Variants in MAST2 observed in about 807,000 individuals in gnomAD.
MAST2 encodes microtubule-associated serine/threonine-protein kinase 2.
In MAST2, 70 loss-of-function variants were observed where a neutral mutation model predicts 147.4. The ratio of observed to expected loss-of-function variants is 0.47; its 90% CI spans 0.39 to 0.58. The LOEUF (loss-of-function observed/expected upper bound fraction) is 0.58. Among genes scored for constraint, MAST2 ranks in the 20% least tolerant of loss-of-function variants. The pLI, the probability that MAST2 is intolerant of heterozygous loss-of-function variation, is 0.00. For missense variants in MAST2, 2,080 were observed against 2,302.3 expected (o/e 0.90, Z 1.98); for synonymous variants, 869 against 896.8 (o/e 0.97, Z 0.55).
chr1:46,023,236 C>G lies in MAST2; in HGVS notation c.1489C>G (p.His497Asp), dbSNP rs758535348. 27 of 1,613,784 alleles carry G rather than the reference C, an allele frequency of 1.7e-5. No homozygotes were observed. The highest frequency in any genetic ancestry group is 2.1e-5 in the Non-Finnish European group (25 of 1,179,762). The change falls in exon 14 of 29, where the codon CAT (histidine) becomes GAT (aspartate). Residue 497 changes from histidine (H) to aspartate (D), a missense_variant. This residue lies in a region of MAST2 where 569 missense variants were observed against 642.5 expected (regional missense o/e 0.89). Transcript: ENST00000361297. This position sits in a 1 kb window ranked among gnomAD's most constrained non-coding sequence, Gnocchi z 4.9. ...TGCCTTTTCCCTTGTCTTCCAGGGCCATGGGGCATCTCTGCCATCTAAAAA... is the reference window on the plus strand; with the variant it reads ...TGCCTTTTCCCTTGTCTTCCAGGGCGATGGGGCATCTCTGCCATCTAAAAA... ...TPETDDSIEG[H>D]GASLPSKKTP... is the part of the protein sequence containing the mutation.
chr1:45,834,255 CA>C (rs1265042940), intron 3 of MAST2, among the ~76,000 whole-genome samples: 3 of 151,944 alleles, frequency 2.0e-5, no homozygotes, highest in African/African-American at 7.3e-5. Context: ...TAAATAGTAA[CA>C]AAAGGGGGCA....
At chr1:45,971,211 A>G (rs935913616) in intron 5 of MAST2, among the ~76,000 whole-genome samples, 1 of 152,174 alleles carries the variant, frequency 6.6e-6, no homozygotes, top group Non-Finnish European at 1.5e-5. Flanking sequence ...ACTGGATGGC[A>G]GAGATGTTTT....
chr1:46,035,866 C>A lies in MAST2; in HGVS notation c.5197C>A (p.Gln1733Lys), dbSNP rs762714620. The change falls in exon 29 of 29, where the codon CAA becomes AAA. Residue 1733 changes from glutamine to lysine, a missense_variant. Coordinates refer to ENST00000361297, the MANE Select transcript of MAST2 (RefSeq NM_015112.3). The surrounding 1 kb of genome is among the most constrained non-coding windows in gnomAD (Gnocchi z 5.5). ...CTGGCTATGGGAGTCTGAGTGTGCA[C>A]AAGCAGTGAAAGAGGATCCAGCCCT... ...QGWLWESECA[Q>K]AVKEDPALSI... 1 of 1,614,086 alleles carries A rather than the reference C, an allele frequency of 6.2e-7. No homozygotes were observed. The highest frequency in any genetic ancestry group is 8.5e-7 in the Non-Finnish European group (1 of 1,180,024).
At chr1:46,029,718 T>C (rs868539309) in intron 19 of MAST2, 113 bp from the exon 20 acceptor site, 12 of 1,434,518 alleles carry the variant, frequency 8.4e-6, no homozygotes, top group Middle Eastern at 2.2e-4. Flanking sequence ...GGGAAGATGC[T>C]TGAGCTGATC....
At chr1:45,876,826 G>A (rs541875082) in intron 3 of MAST2, among the ~76,000 whole-genome samples, 1 of 152,178 alleles carries the variant, frequency 6.6e-6, no homozygotes. Context: ...TTCCACGGAT[G>A]CGCTTCCGTG....
At chr1:45,933,905 G>T (rs200056787) in intron 4 of MAST2, among the ~76,000 whole-genome samples, 1 of 147,388 alleles carries the variant, frequency 6.8e-6, no homozygotes. Context: ...AAAATTTTAA[G>T]TTTTTTTTTT....
At chr1:45,890,242 G>T (rs570881726) in intron 4 of MAST2, among the ~76,000 whole-genome samples, 2 of 152,292 alleles carry the variant, frequency 1.3e-5, no homozygotes, top group East Asian at 3.9e-4. Context: ...TGTAAATAAA[G>T]AACTATTTGT....
intron 5 of MAST2, among the ~76,000 whole-genome samples, chr1:45,977,562 G>A (rs1455055018): frequency 6.6e-6 from 1 of 152,090 alleles, no homozygotes; most frequent in Non-Finnish European, 1.5e-5. Context: ...CACTTTGGGA[G>A]GCCGAGGCGG....
intron 5 of MAST2, among the ~76,000 whole-genome samples, chr1:45,977,673 G>A (rs962489288): frequency 3.3e-5 from 5 of 151,800 alleles, no homozygotes; most frequent in Admixed American, 3.3e-4. Context: ...GGTGGCATGT[G>A]TCTGTAATCC....
At position 45,918,859 on chromosome 1, in the gene MAST2, TC is replaced by T. The variant is rs1227442263; in HGVS notation, c.500+36467del. Among the ~76,000 whole-genome samples the T allele has an allele frequency of 3.3e-5, 5 of 152,296 alleles. No homozygotes were observed. In the South Asian group the frequency reaches 1.0e-3, roughly 32 times the overall value. On this transcript the variant is annotated intron_variant, in intron 4 of 28. Coordinates refer to ENST00000361297, the MANE Select transcript of MAST2 (RefSeq NM_015112.3). Reference sequence around the variant, plus strand: ...TGGGCGCAGTGGCTTACACCTGTAATCCCAGCAGTTTGGGAGGCCGAGGTGA... The same window carrying T: ...TGGGCGCAGTGGCTTACACCTGTAATCCAGCAGTTTGGGAGGCCGAGGTGA...
At chr1:46,032,095 G>A (rs556729121) in intron 24 of MAST2, 83 bp from the exon 25 acceptor site, 1 of 1,037,514 alleles carries the variant, frequency 9.6e-7, no homozygotes, top group Admixed American at 1.7e-5. Flanking sequence ...TCTGTGACTA[G>A]AGTTGTGCTG....
At position 45,804,025 on chromosome 1, in the gene MAST2, C is replaced by G; in HGVS notation, c.130C>G (p.Arg44Gly). The change falls in exon 1 of 29, where the codon CGG becomes GGG. Residue 44 changes from arginine to glycine, a missense_variant. Physicochemically the swap from Arg to Gly is moderately radical, Grantham distance 125. Transcript: ENST00000361297. ...CCGGCGAGCGCCGCCCGGGAGGCAG[C>G]GGCTGGAGGAGCGGACGGGCCCCGC... is the stretch of plus-strand genomic sequence containing the variant. ...PRRRAPPGRQ[R>G]LEERTGPAGP... The G allele has an allele frequency of 1.6e-6, 2 of 1,231,246 alleles. No homozygotes were observed. Among genetic ancestry groups the G allele is most frequent in the East Asian group, 3.2e-5 (1 of 31,194 alleles). 76.3% of individuals were successfully genotyped at this position (1,231,246 alleles called of 1,614,324 possible). A position where few individuals can be genotyped will look rare whatever the true frequency, so the allele number is the denominator to read the frequency against.
intron 2 of MAST2, among the ~76,000 whole-genome samples, chr1:45,829,171 T>TA (rs1217384375): frequency 6.6e-6 from 1 of 152,092 alleles, no homozygotes; most frequent in Non-Finnish European, 1.5e-5. Flanking sequence ...GTTTGGGTGT[T>TA]AGAGTGGGAG....
chr1:45,982,138 C>T (rs1571056921), intron 5 of MAST2, among the ~76,000 whole-genome samples: 2 of 152,226 alleles, frequency 1.3e-5, no homozygotes, highest in Admixed American at 6.5e-5. Flanking sequence ...CGTGAGCCAC[C>T]GCGCCCGGCT....
At chr1:45,874,063 C>G (rs981493197) in intron 3 of MAST2, among the ~76,000 whole-genome samples, 1 of 152,176 alleles carries the variant, frequency 6.6e-6, no homozygotes, top group Admixed American at 6.5e-5. Context: ...TCAAGCAATC[C>G]TCTCGCCTCG....
In MAST2 at chr1:46,010,915, T is replaced by G. The variant is rs11211247; in HGVS notation, c.1164T>G (p.Asp388Glu). 1,226,187 of 1,613,606 alleles carry G rather than the reference T, an allele frequency of 0.76. 469,227 individuals carry two copies. The highest frequency in any genetic ancestry group is 0.99 in the East Asian group (44,308 of 44,884). Residue 388 changes from aspartate (D) to glutamate (E), a missense_variant, in exon 10 of 29, where the codon GAT becomes GAG. Around this residue, in one of 4 missense-constraint regions of MAST2, gnomAD observed 569 missense variants for 642.5 expected, o/e 0.89. Transcript: ENST00000361297. Reference sequence around the variant, plus strand: ...CACAATACTTCTACGAACTTCAAGATAATTTGGAGAAACTTTTACAAGATG... The same window carrying G: ...CACAATACTTCTACGAACTTCAAGAGAATTTGGAGAAACTTTTACAAGATG... ...ITSQYFYELQ[D>E]NLEKLLQDAH... is the part of the protein sequence containing the mutation.
At chr1:45,943,267 G>A (rs967796126) in intron 4 of MAST2, among the ~76,000 whole-genome samples, 1 of 152,172 alleles carries the variant, frequency 6.6e-6, no homozygotes, top group African/African-American at 2.4e-5. Flanking sequence ...TGATTGTCAT[G>A]CTCATCACTA....
At chr1:45,995,379 G>C (rs1467925637) in intron 5 of MAST2, among the ~76,000 whole-genome samples, 3 of 152,162 alleles carry the variant, frequency 2.0e-5, no homozygotes, top group Non-Finnish European at 4.4e-5. Context: ...GATTCTTAGA[G>C]ATTCTTAGAT....
intron 1 of MAST2, among the ~76,000 whole-genome samples, 161 bp downstream of exon 1, chr1:45,804,233 A>T (rs1287546702): frequency 6.6e-6 from 1 of 151,468 alleles, no homozygotes; most frequent in Non-Finnish European, 1.5e-5. Flanking sequence ...GGGAGTGGAG[A>T]AATGGAAGTG....
Sources: allele counts gnomAD v4.1 joint callset (sites outside exome capture counted in the v4.1 genomes callset), GRCh38; gene constraint gnomAD v4.1.1; regional missense constraint gnomAD v4.1.1; non-coding constraint Gnocchi (gnomAD v3.1); transcripts MANE v1.5; gene names NCBI Gene and HGNC (gene_info 2026-07-23, HGNC 2026-07-21).